The following SFI1 variants were observed in gnomAD, a reference collection of about 807,000 sequenced individuals.
SFI1 encodes the protein protein SFI1 homolog.
Under a neutral mutation model 207.5 loss-of-function variants are expected in SFI1, and 195 were observed. The ratio of observed to expected loss-of-function variants is 0.94; its 90% confidence interval spans 0.84 to 1.06. The LOEUF (loss-of-function observed/expected upper bound fraction) is 1.06. SFI1 is among the 50% of genes least tolerant of loss of function. The probability of loss-of-function intolerance (pLI) is 0.00; values close to 1 mark genes in which losing one functional copy is unlikely to be tolerated. For missense variants in SFI1, 1,634 were observed against 1,588.0 expected, an observed-to-expected ratio of 1.03 and a Z score of -0.49; for synonymous variants, 630 against 598.9, an observed-to-expected ratio of 1.05 and a Z score of -0.76.
chr22:31,552,988 C>A (rs1222152599), intron 6 of SFI1, among the ~76,000 whole-genome samples: 1 of 151,952 alleles, frequency 6.6e-6, no homozygotes, highest in Non-Finnish European at 1.5e-5. Context: ...GGACCGTAGG[C>A]ATGTGCTACC....
In SFI1 at chr22:31,561,312, C is replaced by T; in HGVS notation, c.685C>T (p.Gln229Ter). The change falls in exon 8 of 33, where the codon CAG (glutamine) becomes TAG (stop). Residue 229 changes from glutamine (Q) to a stop codon, truncating the protein, a stop_gained. Transcript: ENST00000400288. LOFTEE classifies it high-confidence loss of function. ...ILRVWWSTWR[Q>*]RLGQVRVSRA... ...CAGGGTGTGGTGGAGCACGTGGAGG[C>T]AGCGACTAGGACAGGTCCGTGTGAG... 1 of 1,614,000 alleles carries T rather than the reference C, an allele frequency of 6.2e-7. No individual in the cohort carries two copies. Among genetic ancestry groups the T allele is most frequent in the Non-Finnish European group, 8.5e-7 (1 of 1,179,930 alleles).
chr22:31,604,402 G>T lies in SFI1; in HGVS notation c.1975G>T (p.Val659Leu). ...GCTGCACAGGGCGCTGCAGGCATGG[G>T]TGGTAGGAACTGCTGCTTCCCTCCT... The part of the protein sequence containing the change: ...SVLHRALQAW[V>L]TYQGRVRSIL... The change falls in exon 19 of 33, where the codon GTG (valine) becomes TTG (leucine). Residue 659 changes from valine (V) to leucine (L), a missense_variant and splice_region_variant. Physicochemically the swap from Val to Leu is conservative, Grantham distance 32 (BLOSUM62 1). Coordinates refer to ENST00000400288, the MANE Select transcript of SFI1 (RefSeq NM_001007467.3). The T allele has an allele frequency of 6.5e-7, 1 of 1,529,434 alleles. No homozygotes were observed. The allele number at this position is 1,529,434 out of a possible 1,614,324, so 94.7% of individuals were successfully genotyped here. A position where few individuals can be genotyped will look rare whatever the true frequency, so the allele number is the denominator to read the frequency against.
At chr22:31,513,345 A>C (rs1413017133) in intron 2 of SFI1, among the ~76,000 whole-genome samples, 1 of 150,948 alleles carries the variant, frequency 6.6e-6, no homozygotes, top group Non-Finnish European at 1.5e-5. Context: ...TTTTTGTAGA[A>C]ATGGGGTTTC....
chr22:31,611,318 G>A lies in SFI1; in HGVS notation c.2415+15G>A. On this transcript the variant is annotated intron_variant, in intron 23 of 32. Coordinates refer to ENST00000400288, the MANE Select transcript of SFI1 (RefSeq NM_001007467.3). ...TCAGGAAGAGGGTGAGGCTGACGGT[G>A]GCAACTCTCCAAGTTCTGCCTGCCT... 1.9e-6 allele frequency: 3 copies of A among 1,576,142 alleles called. No individual in the cohort carries two copies. The highest frequency in any genetic ancestry group is 2.3e-5 in the South Asian group (2 of 86,336).
At chr22:31,564,948 G>C (rs1208813393) in intron 8 of SFI1, among the ~76,000 whole-genome samples, 1 of 150,998 alleles carries the variant, frequency 6.6e-6, no homozygotes, top group Non-Finnish European at 1.5e-5. Context: ...CAAGTAGCTG[G>C]GACTACAGGC....
intron 1 of SFI1, among the ~76,000 whole-genome samples, chr22:31,500,605 C>T (rs2053579184): frequency 6.6e-6 from 1 of 151,802 alleles, no homozygotes; most frequent in African/African-American, 2.4e-5. Context: ...TTACAGGCAC[C>T]TGCCACTACA....
chr22:31,602,381 C>A, intron 16 of SFI1, 88 bp downstream of exon 16: 1 of 1,370,920 alleles, frequency 7.3e-7, no homozygotes, highest in Non-Finnish European at 1.0e-6. Flanking sequence ...CAGGAAGTTG[C>A]TCGGACCTCA....
intron 15 of SFI1, among the ~76,000 whole-genome samples, chr22:31,601,497 C>G (rs2068094737): frequency 6.6e-6 from 1 of 152,190 alleles, no homozygotes; most frequent in African/African-American, 2.4e-5. Context: ...CTCAGACTTG[C>G]TCAGTCAGCC....
At chr22:31,510,444 G>GT (rs1298342937) in intron 2 of SFI1, among the ~76,000 whole-genome samples, 1 of 151,660 alleles carries the variant, frequency 6.6e-6, no homozygotes, top group African/African-American at 2.4e-5. Flanking sequence ...GTTTTTGTTT[G>GT]TTTTTTGAGA....
chr22:31,614,286 AC>A, intron 27 of SFI1: 1 of 320,036 alleles, frequency 3.1e-6, no homozygotes, highest in South Asian at 3.1e-5. Flanking sequence ...GTGAGCTGGC[AC>A]CTGTCCCTCT....
At position 31,573,050 on chromosome 22, in the gene SFI1, G is replaced by T; in HGVS notation, c.766-8G>T. On this transcript the variant is annotated splice_polypyrimidine_tract_variant and splice_region_variant and intron_variant, in intron 8 of 32. Transcript: ENST00000400288. ...TCCTTTGACTGTTGCCTCTTCTCTGGTTTTCAGGCTTGGTCACAGTGGCGG... is the reference window on the plus strand; with the variant it reads ...TCCTTTGACTGTTGCCTCTTCTCTGTTTTTCAGGCTTGGTCACAGTGGCGG... The T allele has an allele frequency of 6.2e-7, 1 of 1,611,540 alleles. No individual in the cohort carries two copies. Among genetic ancestry groups the T allele is most frequent in the Non-Finnish European group, 8.5e-7 (1 of 1,178,474 alleles).
chr22:31,611,915 C>T, intron 24 of SFI1, 75 bp downstream of exon 24: 1 of 1,585,948 alleles, frequency 6.3e-7, no homozygotes, highest in South Asian at 1.1e-5. Context: ...CAGTGAATGA[C>T]CTTCAGCCTA....
chr22:31,502,548 A>G (rs1336494132), intron 1 of SFI1, among the ~76,000 whole-genome samples: 1 of 151,688 alleles, frequency 6.6e-6, no homozygotes, highest in Non-Finnish European at 1.5e-5. Context: ...TAATTTTTGT[A>G]TTTTTATTAG....
At chr22:31,516,402 A>G (rs1017213794) in intron 2 of SFI1, among the ~76,000 whole-genome samples, 1 of 151,670 alleles carries the variant, frequency 6.6e-6, no homozygotes, top group Non-Finnish European at 1.5e-5. Flanking sequence ...AGTCCCAGCT[A>G]CTTGGGGGGC....
chr22:31,601,468 C>T (rs1255865394), intron 15 of SFI1, among the ~76,000 whole-genome samples: 1 of 152,168 alleles, frequency 6.6e-6, no homozygotes, highest in Non-Finnish European at 1.5e-5. Flanking sequence ...GTTTAAAATA[C>T]TATTTCCTGG....
At chr22:31,544,718 G>A (rs1316715649) in intron 4 of SFI1, among the ~76,000 whole-genome samples, 1 of 152,070 alleles carries the variant, frequency 6.6e-6, no homozygotes, top group Non-Finnish European at 1.5e-5. Context: ...CTGTACCACT[G>A]CATTCCAGCC....
At chr22:31,578,530 A>G in intron 11 of SFI1, 78 bp downstream of exon 11, 2 of 1,329,518 alleles carry the variant, frequency 1.5e-6, no homozygotes, top group Non-Finnish European at 2.1e-6. Context: ...CCTGACCCCT[A>G]TCACCTTCAT....
intron 11 of SFI1, among the ~76,000 whole-genome samples, chr22:31,579,267 C>T (rs1341315173): frequency 6.6e-6 from 1 of 152,096 alleles, no homozygotes; most frequent in African/African-American, 2.4e-5. Flanking sequence ...CTTCAGCCTC[C>T]CAAGCAGCTG....
At chr22:31,499,984 T>TAAAAA (rs77752661) in intron 1 of SFI1, among the ~76,000 whole-genome samples, 2 of 117,834 alleles carry the variant, frequency 1.7e-5, no homozygotes, top group African/African-American at 3.4e-5. Flanking sequence ...GACTCCATCT[T>TAAAAA]AAAAAAAAAA....
Sources: allele counts gnomAD v4.1 joint callset (sites outside exome capture counted in the v4.1 genomes callset), GRCh38; gene constraint gnomAD v4.1.1; transcripts MANE v1.5; gene names NCBI Gene and HGNC (gene_info 2026-07-23, HGNC 2026-07-21).